Variants in NAA25 observed in about 807,000 individuals in gnomAD.
NAA25 encodes N-alpha-acetyltransferase 25, NatB auxiliary subunit.
NAA25 carries 30 observed loss-of-function variants against 132.5 expected under a neutral mutation model. The observed-to-expected ratio is 0.23, with a 90% CI of 0.17 to 0.31. The LOEUF (loss-of-function observed/expected upper bound fraction) is 0.31. NAA25 is among the 10% of genes least tolerant of loss of function. The probability of loss-of-function intolerance (pLI) is 1.00; values close to 1 mark genes in which losing one functional copy is unlikely to be tolerated. For synonymous variants in NAA25, 359 were observed against 401.9 expected (o/e 0.89, Z 1.28); for missense variants, 771 against 1,150.4 (o/e 0.67, Z 4.77).
chr12:112,030,656 T>C (rs924280003), intron 23 of NAA25, among the ~76,000 whole-genome samples: 2 of 152,192 alleles, frequency 1.3e-5, no homozygotes, highest in African/African-American at 4.8e-5. Context: ...TAGGTTTACA[T>C]GAAGTTGAGT....
At chr12:112,070,706 A>G (rs1413588179) in intron 10 of NAA25, among the ~76,000 whole-genome samples, 1 of 151,960 alleles carries the variant, frequency 6.6e-6, no homozygotes, top group Admixed American at 6.6e-5. Context: ...CCTCCCGAGT[A>G]GCTGAGACAC....
Position 112,028,749 on chromosome 12 carries a change from T to C in NAA25, c.*782A>G, listed in dbSNP as rs2078113461. On this transcript the variant is annotated 3_prime_UTR_variant, in exon 24 of 24. Coordinates refer to ENST00000261745, the MANE Select transcript of NAA25 (RefSeq NM_024953.4). ...AACAGTCATTCCTATCTTTCCCAAATGTATGAAAGACAGAAAGCTAGTCCT... is the reference window on the plus strand; with the variant it reads ...AACAGTCATTCCTATCTTTCCCAAACGTATGAAAGACAGAAAGCTAGTCCT... 6.6e-6 allele frequency: 1 copy of C among 152,240 alleles called. No individual in the cohort carries two copies. Among genetic ancestry groups the C allele is most frequent in the African/African-American group, 2.4e-5 (1 of 41,532 alleles). The allele number at this position is 152,240 out of a possible 1,614,324, so 9.4% of individuals were successfully genotyped here.
chr12:112,097,106 G>A (rs1474611518), intron 1 of NAA25: 1 of 152,132 alleles, frequency 6.6e-6, no homozygotes, highest in Non-Finnish European at 1.5e-5. Flanking sequence ...GCCCACCCCA[G>A]GTTGGACATT....
chr12:112,043,394 T>G (rs2078330273), intron 18 of NAA25, among the ~76,000 whole-genome samples, 183 bp from the exon 19 acceptor site: 1 of 152,208 alleles, frequency 6.6e-6, no homozygotes, highest in Non-Finnish European at 1.5e-5. Flanking sequence ...TGTTGCTAGC[T>G]ATTAAAAACT....
At position 112,029,323 on chromosome 12, in the gene NAA25, C is replaced by A; in HGVS notation, c.*208G>T. 2.9e-6 allele frequency: 2 copies of A among 701,540 alleles called. No homozygotes were observed. The highest frequency in any genetic ancestry group is 4.4e-6 in the Non-Finnish European group (2 of 451,300). 43.5% of individuals were successfully genotyped at this position (701,540 alleles called of 1,614,324 possible). ...GAACATGTATAAAAAGTGGTCAAAC[C>A]CAGATGAGGGTCCCGCTTCTGGTTT... is the stretch of plus-strand genomic sequence containing the variant. On this transcript the variant is annotated 3_prime_UTR_variant, in exon 24 of 24. Transcript: ENST00000261745.
chr12:112,096,730 G>C (rs2079217952), intron 1 of NAA25, among the ~76,000 whole-genome samples: 1 of 152,118 alleles, frequency 6.6e-6, no homozygotes, highest in African/African-American at 2.4e-5. Flanking sequence ...TAAACTATCT[G>C]ACAAAGATAA....
intron 15 of NAA25, among the ~76,000 whole-genome samples, chr12:112,051,675 A>G (rs1420140396): frequency 6.6e-6 from 1 of 152,190 alleles, no homozygotes; most frequent in Non-Finnish European, 1.5e-5. Flanking sequence ...ATACATTCAG[A>G]TGAATTAGTC....
At chr12:112,038,284 G>C (rs1404563618) in intron 22 of NAA25, among the ~76,000 whole-genome samples, 1 of 152,172 alleles carries the variant, frequency 6.6e-6, no homozygotes, top group Non-Finnish European at 1.5e-5. Flanking sequence ...AAAGTGCTGG[G>C]ATTACAGGTG....
At chr12:112,032,159 C>G (rs10744778) in intron 23 of NAA25, among the ~76,000 whole-genome samples, 150,273 of 151,996 alleles carry the variant, frequency 0.99, 74,295 homozygotes, top group East Asian at 1. Context: ...GTAGAGACAG[C>G]GTTTCACCGT....
chr12:112,097,655 G>A (rs187699812), intron 1 of NAA25, among the ~76,000 whole-genome samples: 145 of 149,266 alleles, frequency 9.7e-4, no homozygotes, highest in African/African-American at 3.3e-3. Flanking sequence ...TATTCACACA[G>A]CATTTATATA....
chr12:112,029,905 G>T (rs185195181), intron 23 of NAA25, among the ~76,000 whole-genome samples: 122 of 152,222 alleles, frequency 8.0e-4, no homozygotes, highest in Non-Finnish European at 1.5e-3. Flanking sequence ...ACCCTTTGTT[G>T]TAAGTTATAT....
Position 112,055,069 on chromosome 12 carries a change from A to G in NAA25, c.1448-501T>C, listed in dbSNP as rs76063429. ...TTTTTTGGGTCTATGAAATTTCAAA[A>G]GGTACATGTATCTCTAGTCTTCAAG... On this transcript the variant is annotated intron_variant, in intron 13 of 23. Transcript: ENST00000261745. 2.5e-3 allele frequency among the ~76,000 whole-genome samples: 386 copies of G among 152,338 alleles called. 8 individuals carry two copies. In the East Asian group the frequency reaches 0.066, roughly 26 times the overall value.
Position 112,027,135 on chromosome 12 carries a change from C to A in NAA25, c.*2396G>T, listed in dbSNP as rs917177747. 1 of 152,338 alleles carries A rather than the reference C, an allele frequency of 6.6e-6. No individual in the cohort carries two copies. Among genetic ancestry groups the A allele is most frequent in the Non-Finnish European group, 1.5e-5 (1 of 67,978 alleles). The allele number at this position is 152,338 out of a possible 1,614,324, so 9.4% of individuals were successfully genotyped here. A position where few individuals can be genotyped will look rare whatever the true frequency, so the allele number is the denominator to read the frequency against. ...AATTTTTCAGTCTGTAAACAGTAGT[C>A]GTGATTTTTCTCCTTTCCTTTTTTA... On this transcript the variant is annotated 3_prime_UTR_variant, in exon 24 of 24. Coordinates refer to ENST00000261745, the MANE Select transcript of NAA25 (RefSeq NM_024953.4).
intron 15 of NAA25, 109 bp from the exon 16 acceptor site, chr12:112,048,552 T>A: frequency 1.1e-6 from 1 of 925,372 alleles, no homozygotes; most frequent in Non-Finnish European, 1.7e-6. Context: ...GTTTTAAATC[T>A]AATCTTTAAA....
intron 11 of NAA25, among the ~76,000 whole-genome samples, chr12:112,067,136 T>C (rs1430787825): frequency 1.3e-5 from 2 of 151,764 alleles, no homozygotes; most frequent in African/African-American, 4.8e-5. Flanking sequence ...GAGGCAGAGG[T>C]TGCAGAGAGC....
intron 2 of NAA25, among the ~76,000 whole-genome samples, chr12:112,092,666 A>G (rs1424542300): frequency 6.7e-6 from 1 of 149,864 alleles, no homozygotes; most frequent in Non-Finnish European, 1.5e-5. Flanking sequence ...GAGATTTAAC[A>G]TCCTTTCTCC....
intron 2 of NAA25, among the ~76,000 whole-genome samples, chr12:112,092,296 T>C: frequency 6.7e-6 from 1 of 149,302 alleles, no homozygotes; most frequent in Non-Finnish European, 1.5e-5. Flanking sequence ...TAAGTGACTA[T>C]GGAAATAACT....
rs142487541 is a variant in NAA25 at position 112,087,516 on chromosome 12, A to G, written c.402+167T>C. On this transcript the variant is annotated intron_variant, in intron 4 of 23. Coordinates refer to ENST00000261745, the MANE Select transcript of NAA25 (RefSeq NM_024953.4). ...AAAACATTTAAAGATCTTGAATAATAGTTCAACTTTAAACACATAAGGAAA... is the reference window on the plus strand; with the variant it reads ...AAAACATTTAAAGATCTTGAATAATGGTTCAACTTTAAACACATAAGGAAA... Among the ~76,000 whole-genome samples, 342 of 152,386 alleles carry G rather than the reference A, an allele frequency of 2.2e-3. 1 individual carries two copies. The highest frequency in any genetic ancestry group is 3.1e-3 in the South Asian group (15 of 4,830).
chr12:112,059,815 T>TG (rs1035289219), intron 13 of NAA25, among the ~76,000 whole-genome samples: 1 of 151,802 alleles, frequency 6.6e-6, no homozygotes, highest in Non-Finnish European at 1.5e-5. Context: ...GACAGGTTTT[T>TG]TTTTTTTTTT....
Sources: gnomAD v4.1 joint callset for allele counts (sites outside exome capture counted in the v4.1 genomes callset) on GRCh38, gnomAD v4.1.1 for gene constraint, MANE v1.5 for transcripts, NCBI Gene and HGNC (gene_info 2026-07-23, HGNC 2026-07-21) for gene names.